The following IL18 variants were observed in gnomAD, a reference collection of about 807,000 sequenced individuals.
IL18 encodes interleukin-18.
IL18 carries 8 observed loss-of-function variants against 14.2 expected under a neutral mutation model. That is an observed-to-expected ratio of 0.56 (90% CI 0.33 to 1.01). The LOEUF (loss-of-function observed/expected upper bound fraction) is 1.01. Among genes scored for constraint, IL18 ranks in the 50% least tolerant of loss-of-function variants. IL18 has a pLI of 0.03. For missense variants in IL18, 166 were observed against 231.1 expected (o/e 0.72, Z 1.83); for synonymous variants, 67 against 71.0 (o/e 0.94, Z 0.28).
In IL18 at chr11:112,156,317, G is replaced by T. The variant is rs5744242; in HGVS notation, c.-8-1256C>A. 6.2e-3 allele frequency among the ~76,000 whole-genome samples: 945 copies of T among 152,246 alleles called. 15 individuals are homozygous for T. The highest frequency in any genetic ancestry group is 0.022 in the African/African-American group (906 of 41,540). On this transcript the variant is annotated intron_variant, in intron 1 of 5. Transcript: ENST00000280357. Reference sequence around the variant, plus strand: ...TTGTATAATTTTGGCCTCCCAAAGTGCTTGAGATTACAGGCATGAGTCACT... The same window carrying T: ...TTGTATAATTTTGGCCTCCCAAAGTTCTTGAGATTACAGGCATGAGTCACT...
At chr11:112,161,351 A>T (rs1866628505) in intron 1 of IL18, among the ~76,000 whole-genome samples, 2 of 152,218 alleles carry the variant, frequency 1.3e-5, no homozygotes, top group Non-Finnish European at 2.9e-5. Context: ...AGCTCTACCA[A>T]CCTGCAATTC....
At chr11:112,156,526 CT>C (rs1229325088) in intron 1 of IL18, among the ~76,000 whole-genome samples, 3 of 152,062 alleles carry the variant, frequency 2.0e-5, no homozygotes, top group Non-Finnish European at 4.4e-5. Flanking sequence ...CACCCCACCC[CT>C]CTCACCTGGG....
At chr11:112,150,303 G>C (rs1339473907) in intron 3 of IL18, 97 bp from the exon 4 acceptor site, 3 of 781,246 alleles carry the variant, frequency 3.8e-6, no homozygotes, top group African/African-American at 1.8e-5. Flanking sequence ...AACTATTAAT[G>C]ACAATCTTCT....
intron 5 of IL18, among the ~76,000 whole-genome samples, chr11:112,147,642 T>G (rs768031349): frequency 7.2e-5 from 11 of 152,220 alleles, no homozygotes; most frequent in Non-Finnish European, 1.5e-4. Context: ...GGGATTTGTC[T>G]GGGGGCTGTA....
At chr11:112,157,972 T>G (rs1290905037) in intron 1 of IL18, among the ~76,000 whole-genome samples, 1 of 152,236 alleles carries the variant, frequency 6.6e-6, no homozygotes, top group African/African-American at 2.4e-5. Flanking sequence ...ATTCTCTGCC[T>G]TAGCCTCCTG....
intron 5 of IL18, among the ~76,000 whole-genome samples, chr11:112,144,910 A>G (rs1033893215): frequency 6.6e-6 from 1 of 152,224 alleles, no homozygotes; most frequent in African/African-American, 2.4e-5. Context: ...AGGTTATCCA[A>G]CTGGTAGTGC....
rs1866411091 is a variant in IL18 at position 112,150,004 on chromosome 11, T to C, written c.226+68A>G. 8.2e-6 allele frequency: 11 copies of C among 1,338,568 alleles called. No individual in the cohort carries two copies. The Admixed American group carries it at 1.3e-4, about 15-fold the overall frequency. The allele number at this position is 1,338,568 out of a possible 1,614,324, so 82.9% of individuals were successfully genotyped here. A position where few individuals can be genotyped will look rare whatever the true frequency, so the allele number is the denominator to read the frequency against. ...GAGGATTGGGACTAGCACGGAACAA[T>C]GTAAGCAGTAAAACAGAATGGGAAG... On this transcript the variant is annotated intron_variant, in intron 4 of 5. Transcript: ENST00000280357.
intron 4 of IL18, among the ~76,000 whole-genome samples, chr11:112,149,558 GTTTTT>G (rs561459069): frequency 1.0e-4 from 10 of 99,370 alleles, no homozygotes; most frequent in Non-Finnish European, 1.5e-4. Context: ...CTTTTCTTAA[GTTTTT>G]TTTTTTTTTT....
At chr11:112,156,774 T>C (rs914500658) in intron 1 of IL18, among the ~76,000 whole-genome samples, 7 of 151,952 alleles carry the variant, frequency 4.6e-5, no homozygotes, top group Middle Eastern at 3.4e-3. Context: ...AAAACTGATG[T>C]ACAAATGAAT....
At chr11:112,145,671 A>G (rs967355594) in intron 5 of IL18, among the ~76,000 whole-genome samples, 1 of 152,076 alleles carries the variant, frequency 6.6e-6, no homozygotes, top group Non-Finnish European at 1.5e-5. Context: ...CCCGGGAGGC[A>G]GAGCTTGCAG....
intron 4 of IL18, among the ~76,000 whole-genome samples, chr11:112,149,475 C>T (rs1263431930): frequency 6.6e-6 from 1 of 150,822 alleles, no homozygotes; most frequent in African/African-American, 2.4e-5. Flanking sequence ...AATGCACATT[C>T]ACTGCTTCAA....
At position 112,149,558 on chromosome 11, in the gene IL18, GTTTTTTTTTTTT is replaced by G. The variant is rs561459069; in HGVS notation, c.226+502_226+513del. Among the ~76,000 whole-genome samples the G allele has an allele frequency of 8.5e-3, 849 of 99,368 alleles. 14 individuals carry two copies. Among genetic ancestry groups the G allele is most frequent in the African/African-American group, 0.032 (811 of 25,678 alleles). 65.2% of individuals were successfully genotyped at this position (99,368 alleles called of 152,430 possible). ...AGACTTGATCATTTTCTTTTCTTAA[GTTTTTTTTTTTT>G]TTTTTTTTTTTTTAATTTTAGAGAC... is the stretch of plus-strand genomic sequence containing the variant. On this transcript the variant is annotated intron_variant, in intron 4 of 5. Coordinates refer to ENST00000280357, the MANE Select transcript of IL18 (RefSeq NM_001562.4).
At chr11:112,160,095 C>T (rs1866603767) in intron 1 of IL18, among the ~76,000 whole-genome samples, 1 of 152,126 alleles carries the variant, frequency 6.6e-6, no homozygotes, top group Admixed American at 6.5e-5. Flanking sequence ...TCTAATCTTT[C>T]CCTTGTCTGA....
intron 2 of IL18, 55 bp from the exon 3 acceptor site, chr11:112,153,658 A>C: frequency 7.6e-7 from 1 of 1,310,582 alleles, no homozygotes; most frequent in Non-Finnish European, 1.1e-6. Flanking sequence ...ATTTCGACTC[A>C]GAATTCAATC....
intron 5 of IL18, among the ~76,000 whole-genome samples, chr11:112,146,622 C>T (rs1432441082): frequency 6.6e-6 from 1 of 152,132 alleles, no homozygotes. Context: ...CTGTGCCTGG[C>T]CTGTTGTATC....
At position 112,148,586 on chromosome 11, in the gene IL18, G is replaced by A; in HGVS notation, c.360+17C>T. The A allele has an allele frequency of 1.5e-6, 2 of 1,360,486 alleles. No individual in the cohort carries two copies. The highest frequency in any genetic ancestry group is 2.0e-6 in the Non-Finnish European group (2 of 1,017,776). The allele number at this position is 1,360,486 out of a possible 1,614,324, so 84.3% of individuals were successfully genotyped here. Reference sequence around the variant, plus strand: ...TTATATTAACATGATTGAAAACAAAGTAAGGCTCAGTCTTACCTTAAAGGA... The same window carrying A: ...TTATATTAACATGATTGAAAACAAAATAAGGCTCAGTCTTACCTTAAAGGA... On this transcript the variant is annotated intron_variant, in intron 5 of 5. Transcript: ENST00000280357.
intron 5 of IL18, among the ~76,000 whole-genome samples, chr11:112,146,784 A>T (rs1273040387): frequency 1.3e-5 from 2 of 150,300 alleles, no homozygotes; most frequent in Non-Finnish European, 3.0e-5. Context: ...TTCCTTCCAG[A>T]AGCAGATTTG....
chr11:112,143,823 GA>G lies in IL18; in HGVS notation c.361-7del. ...TTATCAGGAGGATTCATTTCCTATAGAGAAAAAAACATTACCTAATTATTTC... is the reference window on the plus strand; with the variant it reads ...TTATCAGGAGGATTCATTTCCTATAGGAAAAAAACATTACCTAATTATTTC... On this transcript the variant is annotated splice_polypyrimidine_tract_variant and splice_region_variant and intron_variant, in intron 5 of 5. Transcript: ENST00000280357. The G allele has an allele frequency of 6.5e-7, 1 of 1,538,114 alleles. No homozygotes were observed. Among genetic ancestry groups the G allele is most frequent in the South Asian group, 1.2e-5 (1 of 86,032 alleles).
intron 1 of IL18, among the ~76,000 whole-genome samples, chr11:112,161,592 A>C (rs1209809103): frequency 6.6e-6 from 1 of 152,176 alleles, no homozygotes; most frequent in East Asian, 1.9e-4. Flanking sequence ...TGAGGTCAGG[A>C]GTTCGAGACC....
Sources: gnomAD v4.1 joint callset for allele counts (sites outside exome capture counted in the v4.1 genomes callset) on GRCh38, gnomAD v4.1.1 for gene constraint, MANE v1.5 for transcripts, NCBI Gene and HGNC (gene_info 2026-07-23, HGNC 2026-07-21) for gene names.